PTPRA: variants seen among roughly 807,000 people sequenced by gnomAD.
PTPRA encodes the protein protein tyrosine phosphatase receptor type A.
Under a neutral mutation model 104.8 loss-of-function variants are expected in PTPRA, and 25 were observed. The observed-to-expected ratio is 0.24, with a 90% CI of 0.17 to 0.33. The LOEUF is 0.33. Ranked by LOEUF, PTPRA falls within the 10% of genes least tolerant of loss-of-function variation. The pLI, the probability that PTPRA is intolerant of heterozygous loss-of-function variation, is 1.00. For synonymous variants in PTPRA, 323 were observed against 368.9 expected (o/e 0.88, Z 1.43); for missense variants, 765 against 1,015.3 (o/e 0.75, Z 3.35).
At chr20:3,014,719 C>G (rs999789818) in intron 11 of PTPRA, among the ~76,000 whole-genome samples, 1 of 152,096 alleles carries the variant, frequency 6.6e-6, no homozygotes, top group African/African-American at 2.4e-5. Context: ...CCTTGTAGTT[C>G]ACATTGCCAC....
intron 3 of PTPRA, among the ~76,000 whole-genome samples, chr20:2,961,793 GATA>G (rs1263686367): frequency 6.6e-6 from 1 of 152,194 alleles, no homozygotes; most frequent in Non-Finnish European, 1.5e-5. Flanking sequence ...TTTTGTGAAA[GATA>G]ATAAGGTCTG....
intron 17 of PTPRA, among the ~76,000 whole-genome samples, chr20:3,024,919 T>C (rs1352257534): frequency 2.0e-5 from 3 of 152,224 alleles, no homozygotes; most frequent in African/African-American, 7.2e-5. Context: ...ATAATAAATA[T>C]TTTAGGCTTT....
chr20:2,984,163 T>A (rs546462006), intron 6 of PTPRA, among the ~76,000 whole-genome samples: 3 of 152,128 alleles, frequency 2.0e-5, no homozygotes, highest in Non-Finnish European at 4.4e-5. Flanking sequence ...AAACTTACCA[T>A]TAACAAAGAA....
At chr20:2,964,729 G>A (rs1248717096) in intron 4 of PTPRA, 132 bp from the exon 5 acceptor site, 5 of 750,052 alleles carry the variant, frequency 6.7e-6, no homozygotes, top group African/African-American at 1.8e-5. Context: ...GGGGTGGGTG[G>A]TGTTGAGGGG....
At chr20:2,912,577 T>G (rs932256512) in intron 1 of PTPRA, among the ~76,000 whole-genome samples, 1 of 152,078 alleles carries the variant, frequency 6.6e-6, no homozygotes, top group African/African-American at 2.4e-5. Context: ...TGAGCTGAGA[T>G]CGCACCTCTG....
At chr20:2,866,011 G>A in the PTPRA span, 35 of 597,966 alleles carry the variant, frequency 5.9e-5, no homozygotes, top group Non-Finnish European at 9.8e-5. Context: ...CTCTGACAGA[G>A]CTTTGGTTTA....
At chr20:3,023,088 C>G (rs2064961377) in intron 16 of PTPRA, among the ~76,000 whole-genome samples, 1 of 152,214 alleles carries the variant, frequency 6.6e-6, no homozygotes, top group Non-Finnish European at 1.5e-5. Flanking sequence ...CCTGTGCTCG[C>G]AGAAACATGT....
chr20:2,928,529 CT>C (rs2060390688), intron 2 of PTPRA, among the ~76,000 whole-genome samples: 1 of 152,124 alleles, frequency 6.6e-6, no homozygotes, highest in South Asian at 2.1e-4. Flanking sequence ...TCTGACATCC[CT>C]TGTTGTTCAT....
chr20:2,964,891 T>A lies in PTPRA; in HGVS notation c.104T>A (p.Ile35Asn). The change falls in exon 5 of 24, where the codon ATT becomes AAT. Residue 35 changes from isoleucine to asparagine, a missense_variant. Around this residue, in one of 4 missense-constraint regions of PTPRA, gnomAD observed 256 missense variants for 248.9 expected, o/e 1.03. Coordinates refer to ENST00000399903, the MANE Select transcript of PTPRA (RefSeq NM_001385305.1). Reference sequence around the variant, plus strand: ...CCTTCTGTAGGAATTACAAGATTAATTAACTCATCAACGGCAGAACCAGTT... The same window carrying A: ...CCTTCTGTAGGAATTACAAGATTAAATAACTCATCAACGGCAGAACCAGTT... ...VAPSVGITRLINSSTAEPVKE... is the reference protein window; with the variant it reads ...VAPSVGITRLNNSSTAEPVKE... 1.2e-6 allele frequency: 2 copies of A among 1,613,902 alleles called. No individual in the cohort carries two copies. The highest frequency in any genetic ancestry group is 2.2e-5 in the South Asian group (2 of 91,080).
intron 1 of PTPRA, among the ~76,000 whole-genome samples, chr20:2,921,526 A>G (rs78292012): frequency 0.045 from 6,831 of 152,082 alleles, 321 homozygotes; most frequent in Admixed American, 0.11. Context: ...GGATAGTACA[A>G]AAGTTTAGAA....
At chr20:3,029,433 G>A (rs180766989) in intron 20 of PTPRA, among the ~76,000 whole-genome samples, 1 of 151,418 alleles carries the variant, frequency 6.6e-6, no homozygotes, top group East Asian at 1.9e-4. Flanking sequence ...GAACCACCTT[G>A]CCCGGCATTT....
intron 1 of PTPRA, among the ~76,000 whole-genome samples, chr20:2,894,518 A>C (rs1214074424): frequency 6.6e-6 from 1 of 151,714 alleles, no homozygotes; most frequent in Non-Finnish European, 1.5e-5. Flanking sequence ...GTGTTGCTTG[A>C]GCTGGTCTTG....
At chr20:2,955,605 C>T in intron 3 of PTPRA, 1 of 983,582 alleles carries the variant, frequency 1.0e-6, no homozygotes. Context: ...ATCTGGTGTT[C>T]TAGGACTTCT....
intron 20 of PTPRA, among the ~76,000 whole-genome samples, chr20:3,033,075 G>A (rs1013113473): frequency 3.3e-5 from 5 of 151,742 alleles, no homozygotes; most frequent in Non-Finnish European, 7.4e-5. Context: ...TACTAGACTC[G>A]GGCGCTAGCC....
intron 9 of PTPRA, among the ~76,000 whole-genome samples, chr20:2,995,296 G>A (rs1362703007): frequency 1.3e-5 from 2 of 151,738 alleles, no homozygotes; most frequent in African/African-American, 2.4e-5. Flanking sequence ...TTTTTCCCCC[G>A]CTGTAGAGAC....
intron 2 of PTPRA, among the ~76,000 whole-genome samples, chr20:2,926,700 T>G (rs1003622817): frequency 5.3e-5 from 8 of 151,520 alleles, no homozygotes; most frequent in Admixed American, 5.3e-4. Context: ...GGAAGTACTC[T>G]TCAACCTCCT....
chr20:2,910,065 AAT>A (rs1378080946), intron 1 of PTPRA, among the ~76,000 whole-genome samples: 3 of 122,902 alleles, frequency 2.4e-5, no homozygotes, highest in African/African-American at 9.7e-5. Context: ...TATCATATAT[AAT>A]ATATATGATG....
chr20:3,012,623 A>G (rs1251361116), intron 11 of PTPRA, among the ~76,000 whole-genome samples: 1 of 152,242 alleles, frequency 6.6e-6, no homozygotes, highest in East Asian at 1.9e-4. Flanking sequence ...ATGGCTCAGG[A>G]AGTGTTTGGC....
chr20:3,007,079 C>T (rs1600243601), intron 10 of PTPRA, among the ~76,000 whole-genome samples: 1 of 152,282 alleles, frequency 6.6e-6, no homozygotes, highest in Middle Eastern at 3.4e-3. Flanking sequence ...GTCAGTTCAT[C>T]TGTCAAGAAA....
Sources: gnomAD v4.1 joint callset for allele counts (sites outside exome capture counted in the v4.1 genomes callset) on GRCh38, gnomAD v4.1.1 for gene constraint, gnomAD v4.1.1 regional missense constraint, MANE v1.5 for transcripts, NCBI Gene and HGNC (gene_info 2026-07-23, HGNC 2026-07-21) for gene names.